GREM2: variants seen among roughly 807,000 people sequenced by gnomAD.
The protein encoded by GREM2 is gremlin 2, DAN family BMP antagonist.
GREM2 carries 11 observed loss-of-function variants against 14.2 expected under a neutral mutation model. The ratio of observed to expected loss-of-function variants is 0.78; its 90% CI spans 0.49 to 1.28. The LOEUF is 1.28. Ranked by LOEUF, GREM2 falls within the 50% of genes most tolerant of loss-of-function variation. The pLI is 0.00. For missense variants in GREM2, 210 were observed against 218.5 expected (o/e 0.96, Z 0.24); for synonymous variants, 98 against 97.6 (o/e 1.00, Z -0.02).
chr1:240,544,301 C>T (rs1162842942), intron 1 of GREM2, among the ~76,000 whole-genome samples: 1 of 152,126 alleles, frequency 6.6e-6, no homozygotes, highest in Non-Finnish European at 1.5e-5. Flanking sequence ...GCACCTGCCA[C>T]CACGCCTGGC....
chr1:240,589,547 C>T (rs1391894712), intron 1 of GREM2, among the ~76,000 whole-genome samples: 1 of 152,126 alleles, frequency 6.6e-6, no homozygotes, highest in African/African-American at 2.4e-5. Context: ...GCCTTATGTT[C>T]CTTTCCCAGT....
At chr1:240,524,816 CA>C (rs1426201376) in intron 1 of GREM2, among the ~76,000 whole-genome samples, 10 of 152,136 alleles carry the variant, frequency 6.6e-5, no homozygotes, top group Admixed American at 6.5e-4. Context: ...CAAAAATAGA[CA>C]TATCAGCAGG....
chr1:240,562,856 G>A (rs1679078526), intron 1 of GREM2, among the ~76,000 whole-genome samples: 1 of 150,934 alleles, frequency 6.6e-6, no homozygotes, highest in Admixed American at 6.6e-5. Context: ...GTGTATGTGT[G>A]TATGTGTATA....
chr1:240,560,712 A>T (rs1365973388), intron 1 of GREM2, among the ~76,000 whole-genome samples: 2 of 152,184 alleles, frequency 1.3e-5, no homozygotes, highest in Non-Finnish European at 2.9e-5. Context: ...CCCCTAACTG[A>T]CACCATAATG....
intron 1 of GREM2, among the ~76,000 whole-genome samples, chr1:240,562,962 G>T (rs567168407): frequency 8.7e-6 from 1 of 115,290 alleles, no homozygotes; most frequent in Non-Finnish European, 1.8e-5. Context: ...ATGTGTGTGA[G>T]TGTGTGTATG....
At chr1:240,570,519 T>C (rs373998046) in intron 1 of GREM2, among the ~76,000 whole-genome samples, 3 of 152,112 alleles carry the variant, frequency 2.0e-5, no homozygotes, top group Admixed American at 1.3e-4. Context: ...TGTGAACAAG[T>C]TTCAGAAAGT....
intron 1 of GREM2, among the ~76,000 whole-genome samples, chr1:240,591,308 C>T (rs533483106): frequency 7.2e-5 from 11 of 152,234 alleles, no homozygotes; most frequent in Admixed American, 3.9e-4. Flanking sequence ...CCTGACAGAG[C>T]GACTAACACG....
chr1:240,600,365 C>T (rs1042785588), intron 1 of GREM2, among the ~76,000 whole-genome samples: 2 of 152,162 alleles, frequency 1.3e-5, no homozygotes, highest in Non-Finnish European at 2.9e-5. Flanking sequence ...TACAGGAGCA[C>T]TCAGATCATC....
At chr1:240,515,949 T>A (rs1271593852) in intron 1 of GREM2, among the ~76,000 whole-genome samples, 1 of 152,104 alleles carries the variant, frequency 6.6e-6, no homozygotes, top group Non-Finnish European at 1.5e-5. Flanking sequence ...TTCCTCTGGC[T>A]CCTAAAGGTT....
Position 240,544,933 on chromosome 1 carries a change from A to C in GREM2, c.-1-51457T>G, listed in dbSNP as rs191749357. Among the ~76,000 whole-genome samples the C allele has an allele frequency of 1.4e-3, 214 of 152,354 alleles. 3 individuals are homozygous for C. Among genetic ancestry groups the C allele is most frequent in the Non-Finnish European group, 1.8e-4 (12 of 68,028 alleles). On this transcript the variant is annotated intron_variant, in intron 1 of 1. Transcript: ENST00000318160. ...GTTTCCTACACCAATTCATTTCACA[A>C]AGAGAAAAAATAAGATCAAATGTTA...
At chr1:240,564,225 G>C (rs911816607) in intron 1 of GREM2, among the ~76,000 whole-genome samples, 1 of 149,724 alleles carries the variant, frequency 6.7e-6, no homozygotes, top group Non-Finnish European at 1.5e-5. Flanking sequence ...AATAAATAGG[G>C]CTGGGTGTGG....
chr1:240,492,049 G>GTCA lies in GREM2; in HGVS notation c.*917_*919dup, dbSNP rs1320196178. 1.6e-5 allele frequency: 3 copies of GTCA among 190,882 alleles called. No homozygotes were observed. Among genetic ancestry groups the GTCA allele is most frequent in the Non-Finnish European group, 2.3e-5 (2 of 86,466 alleles). 11.8% of individuals were successfully genotyped at this position (190,882 alleles called of 1,614,324 possible). On this transcript the variant is annotated 3_prime_UTR_variant, in exon 2 of 2. Transcript: ENST00000318160. ...GAGTAAGACACCTTCTGGGCCTGCT[G>GTCA]TCATCCTTACTCCGAATGGTGCTGC... is the stretch of plus-strand genomic sequence containing the variant.
chr1:240,503,769 A>G (rs925078948), intron 1 of GREM2, among the ~76,000 whole-genome samples: 1 of 152,156 alleles, frequency 6.6e-6, no homozygotes, highest in African/African-American at 2.4e-5. Context: ...GAAACCATAC[A>G]TGTTTCCTGT....
At chr1:240,556,922 C>A (rs971015143) in intron 1 of GREM2, among the ~76,000 whole-genome samples, 2 of 152,060 alleles carry the variant, frequency 1.3e-5, no homozygotes, top group Non-Finnish European at 2.9e-5. Context: ...GTAATCCTAG[C>A]ACTTTGGGAG....
intron 1 of GREM2, among the ~76,000 whole-genome samples, chr1:240,610,070 G>A (rs907414205): frequency 1.3e-5 from 2 of 151,986 alleles, no homozygotes; most frequent in East Asian, 1.9e-4. Context: ...AATATAATCC[G>A]TCTCACACTC....
chr1:240,604,309 A>ATGTGTGTGTGTGTGTGTG (rs61016634), intron 1 of GREM2, among the ~76,000 whole-genome samples: 3 of 116,590 alleles, frequency 2.6e-5, no homozygotes, highest in African/African-American at 7.7e-5. Flanking sequence ...AACTATACGT[A>ATGTGTGTGTGTGTGTGTG]TGTGTGTGTG....
At chr1:240,509,023 G>A (rs1222574601) in intron 1 of GREM2, among the ~76,000 whole-genome samples, 2 of 152,226 alleles carry the variant, frequency 1.3e-5, no homozygotes, top group Non-Finnish European at 2.9e-5. Context: ...AGCAATCAGT[G>A]TTAGAGTTAA....
At chr1:240,513,166 C>T (rs1390402809) in intron 1 of GREM2, among the ~76,000 whole-genome samples, 1 of 152,070 alleles carries the variant, frequency 6.6e-6, no homozygotes. Flanking sequence ...GGGGGCTTCC[C>T]TATGGCATGC....
chr1:240,506,559 G>A (rs1279098211), intron 1 of GREM2, among the ~76,000 whole-genome samples: 3 of 152,112 alleles, frequency 2.0e-5, no homozygotes, highest in Admixed American at 2.0e-4. Context: ...CTTAAAACAT[G>A]CCAGTGGATA....
Sources: allele counts gnomAD v4.1 joint callset (sites outside exome capture counted in the v4.1 genomes callset), GRCh38; gene constraint gnomAD v4.1.1; transcripts MANE v1.5; gene names NCBI Gene and HGNC (gene_info 2026-07-23, HGNC 2026-07-21).